Variants in PANX2 observed in about 807,000 individuals in gnomAD.
PANX2 encodes pannexin 2, also known as pannexin-2.
In PANX2, 30 loss-of-function variants were observed where a neutral mutation model predicts 38.7. That is an observed-to-expected ratio of 0.78 (90% confidence interval 0.58 to 1.05). PANX2 has a LOEUF of 1.05. PANX2 is among the 50% of genes least tolerant of loss of function. The pLI is 0.00. For synonymous variants in PANX2, 539 were observed against 472.1 expected (o/e 1.14, Z -1.84); for missense variants, 880 against 979.3 (o/e 0.90, Z 1.35).
Position 50,177,121 on chromosome 22 carries a change from G to T in PANX2, c.409G>T (p.Val137Leu). 6.2e-7 allele frequency: 1 copy of T among 1,609,148 alleles called. No homozygotes were observed. The part of the protein sequence containing the change: ...ALLAFAAIMY[V>L]PALGWEFLAS... Reference sequence around the variant, plus strand: ...GCTGGCCTTCGCCGCCATCATGTACGTGCCCGCGCTGGGCTGGGAGTTCCT... The same window carrying T: ...GCTGGCCTTCGCCGCCATCATGTACTTGCCCGCGCTGGGCTGGGAGTTCCT... The change falls in exon 2 of 3, where the codon GTG becomes TTG. Residue 137 changes from valine to leucine, a missense_variant. Around this residue, in one of 4 missense-constraint regions of PANX2, gnomAD observed 243 missense variants for 333.1 expected, o/e 0.73. Transcript: ENST00000395842.
At chr22:50,171,343 G>C (rs1481930388) in intron 1 of PANX2, among the ~76,000 whole-genome samples, 1 of 152,200 alleles carries the variant, frequency 6.6e-6, no homozygotes, top group Non-Finnish European at 1.5e-5. Flanking sequence ...GTTGACAGCA[G>C]AGAGCTGATT....
chr22:50,177,465 G>A lies in PANX2; in HGVS notation c.753G>A (p.Thr251=), dbSNP rs766569206. The A allele has an allele frequency of 3.1e-6, 5 of 1,608,476 alleles. No individual in the cohort carries two copies. The highest frequency in any genetic ancestry group is 2.2e-5 in the South Asian group (2 of 90,614). Residue 251 remains threonine (T), a synonymous_variant, in exon 2 of 3, where the codon ACG becomes ACA. Coordinates refer to ENST00000395842, the MANE Select transcript of PANX2 (RefSeq NM_052839.4). ...PISYLCTYYA[T]QKQNEFTCAL... ...CCTACCTGTGCACCTACTACGCCAC[G>A]CAGAAGCAGAACGAGTTCACCTGCG... is the stretch of plus-strand genomic sequence containing the variant.
At position 50,178,026 on chromosome 22, in the gene PANX2, G is replaced by A. The variant is rs1461752157; in HGVS notation, c.1314G>A (p.Pro438=). 5 of 1,548,132 alleles carry A rather than the reference G, an allele frequency of 3.2e-6. No homozygotes were observed. In the African/African-American group the frequency reaches 6.8e-5, roughly 21 times the overall value. The change falls in exon 2 of 3, where the codon CCG becomes CCA. Residue 438 remains proline (P), a synonymous_variant. Coordinates refer to ENST00000395842, the MANE Select transcript of PANX2 (RefSeq NM_052839.4). The stretch of plus-strand genomic sequence containing the variant: ...TGAAGTGGATCCCCACCAGCAACCC[G>A]CTTCCGCAGCCCTTCAAGGAGCCGC... ...KKMKWIPTSN[P]LPQPFKEPLA... is the part of the protein sequence containing the mutation.
chr22:50,174,004 G>A (rs1362330924), intron 1 of PANX2, among the ~76,000 whole-genome samples: 3 of 152,324 alleles, frequency 2.0e-5, no homozygotes, highest in East Asian at 3.9e-4. Context: ...ATCTTTGGGG[G>A]CCATGATTCT....
chr22:50,176,741 A>C (rs1208412168), intron 1 of PANX2, among the ~76,000 whole-genome samples, 198 bp from the exon 2 acceptor site: 1 of 151,980 alleles, frequency 6.6e-6, no homozygotes, highest in Non-Finnish European at 1.5e-5. Flanking sequence ...TCGTGGGGGT[A>C]GTCAGGGCGG....
chr22:50,177,383 C>G lies in PANX2; in HGVS notation c.671C>G (p.Ala224Gly). 6.2e-7 allele frequency: 1 copy of G among 1,609,542 alleles called. No individual in the cohort carries two copies. The highest frequency in any genetic ancestry group is 8.5e-7 in the Non-Finnish European group (1 of 1,178,424). ...LERRGRSNFLAKLYLARHVLI... is the reference protein window; with the variant it reads ...LERRGRSNFLGKLYLARHVLI... Reference sequence around the variant, plus strand: ...CGCCGCGGCCGCAGCAACTTCCTGGCCAAGCTGTACCTGGCGCGGCACGTG... The same window carrying G: ...CGCCGCGGCCGCAGCAACTTCCTGGGCAAGCTGTACCTGGCGCGGCACGTG... The change falls in exon 2 of 3, where the codon GCC (alanine) becomes GGC (glycine). Residue 224 changes from alanine (A) to glycine (G), a missense_variant. By Grantham distance (60) the Ala-to-Gly change is moderately conservative. This residue lies in a region of PANX2 where 243 missense variants were observed against 333.1 expected (regional missense o/e 0.73). Transcript: ENST00000395842.
chr22:50,173,439 C>T (rs1270155030), intron 1 of PANX2, among the ~76,000 whole-genome samples: 2 of 152,264 alleles, frequency 1.3e-5, no homozygotes, highest in African/African-American at 2.4e-5. Context: ...CCTTGGAGGG[C>T]CGAGCGCAGC....
At chr22:50,173,958 G>A (rs911260318) in intron 1 of PANX2, among the ~76,000 whole-genome samples, 12 of 152,112 alleles carry the variant, frequency 7.9e-5, no homozygotes, top group East Asian at 7.7e-4. Context: ...ACCGGGAAAC[G>A]TGACACCGCC....
At chr22:50,172,441 T>G (rs988672082) in intron 1 of PANX2, among the ~76,000 whole-genome samples, 1 of 151,486 alleles carries the variant, frequency 6.6e-6, no homozygotes, top group South Asian at 2.1e-4. Flanking sequence ...CCAAATTTCC[T>G]TTTTTTTTGA....
intron 1 of PANX2, among the ~76,000 whole-genome samples, chr22:50,171,301 C>T (rs1366650390): frequency 6.6e-6 from 1 of 152,120 alleles, no homozygotes; most frequent in Admixed American, 6.5e-5. Context: ...TGCAGGGTGG[C>T]CAGGTGGGGA....
At position 50,178,115 on chromosome 22, in the gene PANX2, C is replaced by G; in HGVS notation, c.1403C>G (p.Ala468Gly). The G allele has an allele frequency of 6.5e-7, 1 of 1,542,506 alleles. No homozygotes were observed. The highest frequency in any genetic ancestry group is 2.4e-5 in the East Asian group (1 of 40,996). The change falls in exon 2 of 3, where the codon GCC becomes GGC. Residue 468 changes from alanine to glycine, a missense_variant. By Grantham distance (60) the Ala-to-Gly change is moderately conservative. Around this residue, in one of 4 missense-constraint regions of PANX2, gnomAD observed 445 missense variants for 404.3 expected, o/e 1.10. Coordinates refer to ENST00000395842, the MANE Select transcript of PANX2 (RefSeq NM_052839.4). Reference protein sequence around the residue: ...EKPKPARRKTATDTLIAPLLD... With the variant: ...EKPKPARRKTGTDTLIAPLLD... The stretch of plus-strand genomic sequence containing the variant: ...CCGAAGCCCGCGCGCAGGAAGACGG[C>G]CACGGACACGCTGATCGCGCCGCTG...
At position 50,179,518 on chromosome 22, in the gene PANX2, G is replaced by T; in HGVS notation, c.*241G>T. On this transcript the variant is annotated 3_prime_UTR_variant, in exon 3 of 3. Coordinates refer to ENST00000395842, the MANE Select transcript of PANX2 (RefSeq NM_052839.4). ...GAAAGGTGGCCCAGTGGAGCCGGTG[G>T]CCAGGAAGGCTGAAGCCCGCTTCCC... 1.9e-6 allele frequency: 1 copy of T among 535,146 alleles called. No homozygotes were observed. Among genetic ancestry groups the T allele is most frequent in the South Asian group, 2.3e-5 (1 of 43,690 alleles). 33.1% of individuals were successfully genotyped at this position (535,146 alleles called of 1,614,324 possible).
rs951562882 is a variant in PANX2, at chr22:50,177,923, C to T, written c.1211C>T (p.Thr404Ile). Residue 404 changes from threonine (T) to isoleucine (I), a missense_variant, in exon 2 of 3, where the codon ACC becomes ATC. Coordinates refer to ENST00000395842, the MANE Select transcript of PANX2 (RefSeq NM_052839.4). ...TPTVRDSGVQTVDPSANPAEP... is the reference protein window; with the variant it reads ...TPTVRDSGVQIVDPSANPAEP... ...ACGGTGCGCGACTCGGGGGTGCAGACCGTGGACCCCAGCGCCAACCCCGCC... is the reference window on the plus strand; with the variant it reads ...ACGGTGCGCGACTCGGGGGTGCAGATCGTGGACCCCAGCGCCAACCCCGCC... The T allele has an allele frequency of 3.9e-6, 6 of 1,530,856 alleles. No homozygotes were observed. The African/African-American group carries it at 6.9e-5, about 18-fold the overall frequency. The allele number at this position is 1,530,856 out of a possible 1,614,324, so 94.8% of individuals were successfully genotyped here.
chr22:50,171,472 G>C (rs1907836486), intron 1 of PANX2, among the ~76,000 whole-genome samples: 1 of 152,200 alleles, frequency 6.6e-6, no homozygotes, highest in Admixed American at 6.5e-5. Flanking sequence ...AGGCCTCTCC[G>C]GGTGCACTGG....
chr22:50,174,328 G>A (rs530543553), intron 1 of PANX2, among the ~76,000 whole-genome samples: 4 of 133,446 alleles, frequency 3.0e-5, no homozygotes, highest in African/African-American at 2.8e-5. Context: ...TGGCAGAACC[G>A]AAGAAGGGCA....
Position 50,179,253 on chromosome 22 carries a change from G to C in PANX2, c.2010G>C (p.Thr670=). Residue 670 remains threonine (T), a synonymous_variant, in exon 3 of 3, where the codon ACG becomes ACC. Coordinates refer to ENST00000395842, the MANE Select transcript of PANX2 (RefSeq NM_052839.4). ...ILIATFDEPR[T]VVSTVEF ...TCGCCACCTTCGACGAGCCGAGAAC[G>C]GTCGTGAGTACTGTGGAGTTTTGAG... 6.2e-7 allele frequency: 1 copy of C among 1,612,626 alleles called. No individual in the cohort carries two copies. The highest frequency in any genetic ancestry group is 8.5e-7 in the Non-Finnish European group (1 of 1,179,834).
chr22:50,172,774 G>A (rs1373198413), intron 1 of PANX2, among the ~76,000 whole-genome samples: 1 of 152,022 alleles, frequency 6.6e-6, no homozygotes, highest in Non-Finnish European at 1.5e-5. Context: ...TGTCACCCAG[G>A]CTGGAGTGCA....
At position 50,179,249 on chromosome 22, in the gene PANX2, G is replaced by T; in HGVS notation, c.2006G>T (p.Arg669Ile). 1 of 1,612,664 alleles carries T rather than the reference G, an allele frequency of 6.2e-7. No homozygotes were observed. Among genetic ancestry groups the T allele is most frequent in the Non-Finnish European group, 8.5e-7 (1 of 1,179,858 alleles). ...CTCATCGCCACCTTCGACGAGCCGA[G>T]AACGGTCGTGAGTACTGTGGAGTTT... ...QILIATFDEP[R>I]TVVSTVEF The change falls in exon 3 of 3, where the codon AGA (arginine) becomes ATA (isoleucine). Residue 669 changes from arginine to isoleucine, a missense_variant. Coordinates refer to ENST00000395842, the MANE Select transcript of PANX2 (RefSeq NM_052839.4).
Position 50,170,880 on chromosome 22 carries a change from C to T in PANX2, c.150C>T (p.Phe50=). 6.6e-7 allele frequency: 1 copy of T among 1,519,964 alleles called. No homozygotes were observed. Among genetic ancestry groups the T allele is most frequent in the Non-Finnish European group, 8.8e-7 (1 of 1,132,374 alleles). The allele number at this position is 1,519,964 out of a possible 1,614,324, so 94.2% of individuals were successfully genotyped here. ...LLLQLKLELP[F]DRVVTIGTVL... ...TGCAGCTGAAGCTGGAGCTGCCGTT[C>T]GACCGGGTGGTCACCATCGGCACCG... The change falls in exon 1 of 3, where the codon TTC becomes TTT. Residue 50 remains phenylalanine (F), a synonymous_variant. Coordinates refer to ENST00000395842, the MANE Select transcript of PANX2 (RefSeq NM_052839.4).
Sources: gnomAD v4.1 joint callset for allele counts (sites outside exome capture counted in the v4.1 genomes callset) on GRCh38, gnomAD v4.1.1 for gene constraint, gnomAD v4.1.1 regional missense constraint, MANE v1.5 for transcripts, NCBI Gene and HGNC (gene_info 2026-07-23, HGNC 2026-07-21) for gene names.